Variants in METTL16 observed in about 807,000 individuals in gnomAD.
METTL16 encodes RNA N(6)-adenosine-methyltransferase METTL16.
Under a neutral mutation model 57.9 loss-of-function variants are expected in METTL16, and 19 were observed. That is an observed-to-expected ratio of 0.33 (90% CI 0.23 to 0.48). METTL16 has a LOEUF of 0.48. Ranked by LOEUF, METTL16 falls within the 20% of genes least tolerant of loss-of-function variation. METTL16 has a pLI of 0.99. For missense variants in METTL16, 434 were observed against 691.5 expected (o/e 0.63, Z 4.18); for synonymous variants, 246 against 255.6 (o/e 0.96, Z 0.36).
chr17:2,445,455 C>T (rs556020783), intron 6 of METTL16, among the ~76,000 whole-genome samples: 5 of 152,174 alleles, frequency 3.3e-5, no homozygotes, highest in Admixed American at 3.3e-4. Flanking sequence ...CCAAAAAATA[C>T]AACTATTATT....
intron 6 of METTL16, among the ~76,000 whole-genome samples, chr17:2,457,754 CTAT>C (rs995840953): frequency 7.9e-5 from 12 of 151,772 alleles, no homozygotes; most frequent in African/African-American, 1.5e-4. Context: ...TTAATATCCA[CTAT>C]TATTATTATG....
At chr17:2,476,684 G>T (rs1389392815) in intron 3 of METTL16, among the ~76,000 whole-genome samples, 1 of 152,198 alleles carries the variant, frequency 6.6e-6, no homozygotes, top group Non-Finnish European at 1.5e-5. Context: ...GGCTGGGCAT[G>T]GTGGCTCACG....
intron 1 of METTL16, among the ~76,000 whole-genome samples, 194 bp from the exon 2 acceptor site, chr17:2,502,525 C>G (rs913354234): frequency 2.6e-5 from 4 of 151,954 alleles, no homozygotes; most frequent in African/African-American, 9.7e-5. Flanking sequence ...ACTAAAAATA[C>G]AAAAAGTAGC....
At chr17:2,470,319 A>AC (rs397856770) in intron 4 of METTL16, among the ~76,000 whole-genome samples, 8 of 151,246 alleles carry the variant, frequency 5.3e-5, no homozygotes, top group African/African-American at 2.0e-4. Flanking sequence ...GAAAAAAAAA[A>AC]CCCCAAAACG....
intron 6 of METTL16, among the ~76,000 whole-genome samples, chr17:2,455,432 G>T (rs1317710973): frequency 1.3e-5 from 2 of 152,100 alleles, no homozygotes; most frequent in African/African-American, 4.8e-5. Context: ...ATACATGCTT[G>T]TTGATTTTAA....
rs1006815259 is a variant in METTL16, at chr17:2,417,302, G to A, written c.*2668C>T. The A allele has an allele frequency of 6.6e-5, 10 of 152,078 alleles. No individual in the cohort carries two copies. The highest frequency in any genetic ancestry group is 1.9e-4 in the African/African-American group (8 of 41,344). The allele number at this position is 152,078 out of a possible 1,614,324, so 9.4% of individuals were successfully genotyped here. On this transcript the variant is annotated 3_prime_UTR_variant, in exon 10 of 10. Transcript: ENST00000263092. The stretch of plus-strand genomic sequence containing the variant: ...TGGTCTCAAACTCCCGACCTCATGC[G>A]ATGCGCCCATCTCAGCCTCACAGTG...
At chr17:2,467,407 G>A (rs1423572503) in intron 5 of METTL16, among the ~76,000 whole-genome samples, 1 of 152,060 alleles carries the variant, frequency 6.6e-6, no homozygotes, top group Non-Finnish European at 1.5e-5. Context: ...GCTCTTATCT[G>A]TGCAAATAAG....
chr17:2,465,067 TAAAAAC>T (rs1360421049), intron 5 of METTL16, among the ~76,000 whole-genome samples: 3 of 151,994 alleles, frequency 2.0e-5, no homozygotes, highest in Admixed American at 6.6e-5. Context: ...AACTTAATAA[TAAAAAC>T]AAAAACAAAC....
At chr17:2,484,600 C>T (rs1472080042) in intron 2 of METTL16, among the ~76,000 whole-genome samples, 2 of 152,038 alleles carry the variant, frequency 1.3e-5, no homozygotes, top group African/African-American at 2.4e-5. Context: ...CTTCAGGCGA[C>T]TCTTCTGCCT....
intron 2 of METTL16, among the ~76,000 whole-genome samples, chr17:2,493,602 C>G (rs535246540): frequency 6.6e-6 from 1 of 151,890 alleles, no homozygotes; most frequent in African/African-American, 2.4e-5. Flanking sequence ...GCCTATAATT[C>G]CAGCTACTCA....
At chr17:2,479,602 G>A (rs2067290262) in intron 2 of METTL16, among the ~76,000 whole-genome samples, 1 of 152,040 alleles carries the variant, frequency 6.6e-6, no homozygotes, top group Non-Finnish European at 1.5e-5. Flanking sequence ...CTTCTGGTCT[G>A]TACTATCTCC....
intron 6 of METTL16, among the ~76,000 whole-genome samples, chr17:2,442,835 CTT>C (rs56689043): frequency 1.3e-3 from 196 of 147,160 alleles, no homozygotes; most frequent in African/African-American, 4.4e-3. Context: ...TTCAATAGTT[CTT>C]TTTTTTTTTT....
intron 2 of METTL16, among the ~76,000 whole-genome samples, chr17:2,490,561 G>C (rs75107006): frequency 0.053 from 8,012 of 152,166 alleles, 657 homozygotes; most frequent in African/African-American, 0.18. Context: ...TATAAATGTA[G>C]TTAGGAAAAA....
At chr17:2,477,944 C>T in intron 2 of METTL16, 59 bp from the exon 3 acceptor site, 1 of 1,463,338 alleles carries the variant, frequency 6.8e-7, no homozygotes, top group Non-Finnish European at 9.5e-7. Flanking sequence ...GTTGTACAAG[C>T]TCTACGGCAA....
chr17:2,440,311 C>T (rs962199455), intron 7 of METTL16, among the ~76,000 whole-genome samples: 2 of 151,668 alleles, frequency 1.3e-5, no homozygotes, highest in Non-Finnish European at 2.9e-5. Flanking sequence ...TGCAGTGGCA[C>T]GATCTCAGCT....
intron 6 of METTL16, among the ~76,000 whole-genome samples, chr17:2,448,801 TTAAAAAA>T (rs1430065253): frequency 6.3e-5 from 3 of 47,386 alleles, no homozygotes; most frequent in Non-Finnish European, 1.1e-4. Flanking sequence ...AAAATAAAAT[TTAAAAAA>T]AAAAAAAAAA....
At chr17:2,453,522 C>T (rs375851559) in intron 6 of METTL16, among the ~76,000 whole-genome samples, 19 of 152,166 alleles carry the variant, frequency 1.2e-4, no homozygotes, top group African/African-American at 3.6e-4. Flanking sequence ...CTTCCAGGTG[C>T]GTCACATCAG....
chr17:2,421,950 A>G (rs1272002968), intron 8 of METTL16, among the ~76,000 whole-genome samples: 1 of 152,164 alleles, frequency 6.6e-6, no homozygotes, highest in South Asian at 2.1e-4. Context: ...GGCATCTTCC[A>G]TTCTATCTCA....
rs2066713940 is a variant in METTL16 at position 2,416,239 on chromosome 17, G to A, written c.*3731C>T. ...AAGGGTGCCCTCGTGTGGCCACGGA[G>A]GGAAATGCCGCGGCTTCAGCAGAAA... is the stretch of plus-strand genomic sequence containing the variant. On this transcript the variant is annotated 3_prime_UTR_variant, in exon 10 of 10. Coordinates refer to ENST00000263092, the MANE Select transcript of METTL16 (RefSeq NM_024086.4). 1 of 152,168 alleles carries A rather than the reference G, an allele frequency of 6.6e-6. No homozygotes were observed. Among genetic ancestry groups the A allele is most frequent in the Non-Finnish European group, 1.5e-5 (1 of 68,036 alleles). 9.4% of individuals were successfully genotyped at this position (152,168 alleles called of 1,614,324 possible).
Sources: allele counts gnomAD v4.1 joint callset (sites outside exome capture counted in the v4.1 genomes callset), GRCh38; gene constraint gnomAD v4.1.1; transcripts MANE v1.5; gene names NCBI Gene and HGNC (gene_info 2026-07-23, HGNC 2026-07-21).